DOCK8: variants seen among roughly 807,000 people sequenced by gnomAD.
DOCK8 encodes the protein dedicator of cytokinesis 8, also known as dedicator of cytokinesis protein 8.
DOCK8 carries 141 observed loss-of-function variants against 245.6 expected under a neutral mutation model. The observed-to-expected ratio is 0.57, with a 90% CI of 0.50 to 0.66. The LOEUF is 0.66. DOCK8 is among the 30% of genes least tolerant of loss of function. The probability of loss-of-function intolerance (pLI) is 0.00; values close to 1 mark genes in which losing one functional copy is unlikely to be tolerated. For missense variants in DOCK8, 2,965 were observed against 2,603.4 expected, an observed-to-expected ratio of 1.14 and a Z score of -3.02; for synonymous variants, 1,168 against 970.2, an observed-to-expected ratio of 1.20 and a Z score of -3.79.
chr9:277,457 G>GAAGAGAAGAGAAGAGA (rs1554651517), intron 2 of DOCK8, among the ~76,000 whole-genome samples: 1 of 129,496 alleles, frequency 7.7e-6, no homozygotes. Flanking sequence ...AGAAGAGAAA[G>GAAGAGAAGAGAAGAGA]AGAGAAGAGA....
At chr9:399,058 C>G in intron 25 of DOCK8, 88 bp from the exon 26 acceptor site, 1 of 1,211,912 alleles carries the variant, frequency 8.3e-7, no homozygotes, top group Non-Finnish European at 1.2e-6. Flanking sequence ...ATAATAGGAC[C>G]TGTCTCTCCC....
intron 23 of DOCK8, among the ~76,000 whole-genome samples, chr9:386,632 C>T (rs1268471690): frequency 6.6e-6 from 1 of 152,214 alleles, no homozygotes; most frequent in East Asian, 1.9e-4. Context: ...GTGTTTCTCC[C>T]ACTTTCTCAT....
intron 1 of DOCK8, among the ~76,000 whole-genome samples, chr9:227,897 C>G (rs549375452): frequency 6.6e-5 from 10 of 152,080 alleles, no homozygotes; most frequent in Middle Eastern, 3.4e-3. Flanking sequence ...CATGGCAGAC[C>G]GTTGTAGTAT....
intron 22 of DOCK8, among the ~76,000 whole-genome samples, chr9:384,613 G>A (rs1359744266): frequency 6.6e-6 from 1 of 152,134 alleles, no homozygotes. Context: ...TCTACCCTGG[G>A]TCTTTTAAAA....
Position 404,947 on chromosome 9 carries a change from G to T in DOCK8, c.3264G>T (p.Thr1088=). The T allele has an allele frequency of 6.2e-7, 1 of 1,613,910 alleles. No homozygotes were observed. ...QLSAKLSNLP[T]LISMRLEFLR... Reference sequence around the variant, plus strand: ...CAGCCAAGCTCAGTAACCTTCCAACGCTCATTTCCATGAGGCTAGAGTTCC... The same window carrying T: ...CAGCCAAGCTCAGTAACCTTCCAACTCTCATTTCCATGAGGCTAGAGTTCC... Residue 1088 remains threonine (T), a synonymous_variant, in exon 27 of 48, where the codon ACG becomes ACT. Transcript: ENST00000432829.
chr9:452,438 G>A, intron 46 of DOCK8: 1 of 179,978 alleles, frequency 5.6e-6, no homozygotes, highest in Non-Finnish European at 1.2e-5. Flanking sequence ...ATCACTTGTT[G>A]TAAAACAAGT....
intron 7 of DOCK8, among the ~76,000 whole-genome samples, chr9:323,540 A>G (rs1168520287): frequency 2.0e-5 from 3 of 152,092 alleles, no homozygotes; most frequent in Non-Finnish European, 4.4e-5. Context: ...CATCTTAACC[A>G]TTTTTAAGGT....
At chr9:309,376 A>G (rs1343527427) in intron 5 of DOCK8, among the ~76,000 whole-genome samples, 1 of 152,206 alleles carries the variant, frequency 6.6e-6, no homozygotes, top group East Asian at 1.9e-4. Flanking sequence ...GGTAGATGTC[A>G]CAAAAAATGT....
At chr9:301,793 G>C (rs563796562) in intron 4 of DOCK8, among the ~76,000 whole-genome samples, 10 of 152,252 alleles carry the variant, frequency 6.6e-5, no homozygotes, top group African/African-American at 2.2e-4. Context: ...TAATCAAGGA[G>C]GTGAAAGATC....
At position 247,635 on chromosome 9, in the gene DOCK8, G is replaced by A. The variant is rs538329455; in HGVS notation, c.54-23992G>A. Among the ~76,000 whole-genome samples, 147 of 152,162 alleles carry A rather than the reference G, an allele frequency of 9.7e-4. 1 individual carries two copies. Among genetic ancestry groups the A allele is most frequent in the African/African-American group, 3.3e-3 (136 of 41,518 alleles). ...TGCAAGCTCCGCCTCCCGGGTTCACGCCCTTCTCCGGCCTCAGCCTCCCGA... is the reference window on the plus strand; with the variant it reads ...TGCAAGCTCCGCCTCCCGGGTTCACACCCTTCTCCGGCCTCAGCCTCCCGA... On this transcript the variant is annotated intron_variant, in intron 1 of 47. Coordinates refer to ENST00000432829, the MANE Select transcript of DOCK8 (RefSeq NM_203447.4).
intron 1 of DOCK8, among the ~76,000 whole-genome samples, chr9:259,429 T>C (rs113967438): frequency 4.3e-4 from 66 of 152,352 alleles, no homozygotes; most frequent in African/African-American, 1.5e-3. Flanking sequence ...TAGATTTAAA[T>C]GCATTTTTAA....
chr9:271,843 A>T (rs185077895), intron 2 of DOCK8, 114 bp downstream of exon 2: 77 of 723,304 alleles, frequency 1.1e-4, no homozygotes, highest in Admixed American at 5.0e-4. Context: ...TTCTCCAGTC[A>T]CCAGATCCTA....
chr9:384,777 G>A (rs536600775), intron 22 of DOCK8, among the ~76,000 whole-genome samples: 7 of 152,212 alleles, frequency 4.6e-5, no homozygotes, highest in South Asian at 2.1e-4. Context: ...TTAGCCGGGC[G>A]TGGTGGCGGG....
In DOCK8 at chr9:262,019, G is replaced by A. The variant is rs187175466; in HGVS notation, c.54-9608G>A. 1.0e-3 allele frequency among the ~76,000 whole-genome samples: 155 copies of A among 150,158 alleles called. 1 individual carries two copies. The highest frequency in any genetic ancestry group is 1.7e-3 in the Non-Finnish European group (118 of 67,490). On this transcript the variant is annotated intron_variant, in intron 1 of 47. Coordinates refer to ENST00000432829, the MANE Select transcript of DOCK8 (RefSeq NM_203447.4). ...AAGGAGAAAGAAAGAAAGAAAGAAA[G>A]AAAGAAAGAAAGAAAGACACCGCGA... is the stretch of plus-strand genomic sequence containing the variant.
chr9:438,163 A>T (rs1206117883), intron 39 of DOCK8, among the ~76,000 whole-genome samples: 1 of 152,202 alleles, frequency 6.6e-6, no homozygotes, highest in East Asian at 1.9e-4. Context: ...CTATGTCCTG[A>T]CTGATTGCTA....
intron 36 of DOCK8, among the ~76,000 whole-genome samples, chr9:431,640 C>G (rs894733638): frequency 2.6e-5 from 4 of 152,108 alleles, no homozygotes; most frequent in African/African-American, 9.7e-5. Context: ...TCTCGAGTAG[C>G]TGGAATTACA....
intron 4 of DOCK8, among the ~76,000 whole-genome samples, chr9:295,314 C>T (rs1329217483): frequency 2.0e-5 from 3 of 152,124 alleles, no homozygotes; most frequent in Admixed American, 6.5e-5. Flanking sequence ...CAAAAGGACA[C>T]GGGAGTGCCC....
chr9:295,830 C>T (rs1000103912), intron 4 of DOCK8, among the ~76,000 whole-genome samples: 2 of 152,174 alleles, frequency 1.3e-5, no homozygotes, highest in African/African-American at 4.8e-5. Flanking sequence ...TGTTCCCTCC[C>T]ACCCTCATCA....
chr9:420,443 A>T lies in DOCK8; in HGVS notation c.3883A>T (p.Asn1295Tyr). The T allele has an allele frequency of 2.5e-6, 4 of 1,614,196 alleles. No homozygotes were observed. Among genetic ancestry groups the T allele is most frequent in the Non-Finnish European group, 3.4e-6 (4 of 1,180,034 alleles). Residue 1295 changes from asparagine to tyrosine, a missense_variant, in exon 31 of 48, where the codon AAC becomes TAC. By Grantham distance (143) the Asn-to-Tyr change is moderately radical. Transcript: ENST00000432829. ...CATGCTGAACGCGGACACTACTCGC[A>T]ACCTCATGATCTGCTTCCTCTGGAT... is the stretch of plus-strand genomic sequence containing the variant. ...YNMLNADTTRNLMICFLWIMK... is the reference protein window; with the variant it reads ...YNMLNADTTRYLMICFLWIMK...
Sources: gnomAD v4.1 joint callset for allele counts (sites outside exome capture counted in the v4.1 genomes callset) on GRCh38, gnomAD v4.1.1 for gene constraint, MANE v1.5 for transcripts, NCBI Gene and HGNC (gene_info 2026-07-23, HGNC 2026-07-21) for gene names.